GLCE: variants seen among roughly 807,000 people sequenced by gnomAD.
The protein encoded by GLCE is D-glucuronyl C5-epimerase.
GLCE carries 19 observed loss-of-function variants against 47.9 expected under a neutral mutation model. The observed-to-expected ratio is 0.40, with a 90% CI of 0.28 to 0.58. GLCE has a LOEUF of 0.58. GLCE is among the 20% of genes least tolerant of loss of function. GLCE has a pLI of 0.48. For synonymous variants in GLCE, 245 were observed against 263.4 expected, an observed-to-expected ratio of 0.93 and a Z score of 0.68; for missense variants, 556 against 743.3, an observed-to-expected ratio of 0.75 and a Z score of 2.93.
intron 1 of GLCE, among the ~76,000 whole-genome samples, chr15:69,181,337 C>T (rs949559672): frequency 6.6e-6 from 1 of 152,140 alleles, no homozygotes; most frequent in Non-Finnish European, 1.5e-5. Context: ...GATCAGATGA[C>T]TTCACTAAGG....
intron 2 of GLCE, among the ~76,000 whole-genome samples, chr15:69,217,448 A>G (rs966616162): frequency 6.6e-6 from 1 of 151,812 alleles, no homozygotes; most frequent in African/African-American, 2.4e-5. Context: ...TTCTCTTGAA[A>G]AGCAGGAAAA....
intron 1 of GLCE, among the ~76,000 whole-genome samples, chr15:69,187,993 G>T (rs1420373707): frequency 6.6e-6 from 1 of 152,174 alleles, no homozygotes; most frequent in Non-Finnish European, 1.5e-5. Context: ...CAACCTGGGA[G>T]GCAGAGGTTG....
At chr15:69,264,400 A>G (rs761128909) in intron 4 of GLCE, among the ~76,000 whole-genome samples, 19 of 152,228 alleles carry the variant, frequency 1.2e-4, no homozygotes, top group Non-Finnish European at 1.2e-4. Context: ...GCACGTGCAC[A>G]CACACACACA....
At chr15:69,225,543 AT>A (rs1357342799) in intron 2 of GLCE, among the ~76,000 whole-genome samples, 1 of 152,174 alleles carries the variant, frequency 6.6e-6, no homozygotes, top group Non-Finnish European at 1.5e-5. Flanking sequence ...ATAAGCAATA[AT>A]TTTTTTGTGG....
intron 1 of GLCE, among the ~76,000 whole-genome samples, chr15:69,177,127 C>A (rs532767013): frequency 1.3e-5 from 2 of 151,518 alleles, no homozygotes; most frequent in Admixed American, 6.6e-5. Context: ...TCAAGCGATT[C>A]TTGTGCCTCA....
In GLCE at chr15:69,197,574, C is replaced by T. The variant is rs150069393; in HGVS notation, c.-104-12742C>T. 38 of 154,406 alleles carry T rather than the reference C, an allele frequency of 2.5e-4. No homozygotes were observed. The East Asian group carries it at 5.1e-3, about 21-fold the overall frequency. 9.6% of individuals were successfully genotyped at this position (154,406 alleles called of 1,614,324 possible). ...TTTTGAGAACCATGTATTTCAAGGA[C>T]GGAATTATTGTTTGTGTCAGCTACT... On this transcript the variant is annotated intron_variant, in intron 1 of 4. Coordinates refer to ENST00000261858, the MANE Select transcript of GLCE (RefSeq NM_015554.3).
chr15:69,207,502 T>C (rs995852210), intron 1 of GLCE, among the ~76,000 whole-genome samples: 2 of 152,114 alleles, frequency 1.3e-5, no homozygotes, highest in Non-Finnish European at 2.9e-5. Context: ...AATCGTATAA[T>C]ATATTGCTTT....
intron 2 of GLCE, among the ~76,000 whole-genome samples, chr15:69,244,894 C>A (rs963840622): frequency 6.6e-6 from 1 of 152,164 alleles, no homozygotes; most frequent in Non-Finnish European, 1.5e-5. Flanking sequence ...ATTGGAGATA[C>A]TGCAGATTCA....
chr15:69,243,535 A>T (rs1566966616), intron 2 of GLCE, among the ~76,000 whole-genome samples: 1 of 150,490 alleles, frequency 6.6e-6, no homozygotes, highest in Non-Finnish European at 1.5e-5. Flanking sequence ...GGAGTTCAAG[A>T]CCAGGCTGGG....
At chr15:69,205,137 G>C (rs951487436) in intron 1 of GLCE, among the ~76,000 whole-genome samples, 1 of 151,900 alleles carries the variant, frequency 6.6e-6, no homozygotes, top group African/African-American at 2.4e-5. Context: ...AAAAACTCCT[G>C]TGTTATCCCT....
rs1218293960 is a variant in GLCE, at chr15:69,165,229, G to C, written c.-105+4472G>C. Among the ~76,000 whole-genome samples, 2 of 152,076 alleles carry C rather than the reference G, an allele frequency of 1.3e-5. 1 individual carries two copies. Among genetic ancestry groups the C allele is most frequent in the Non-Finnish European group, 2.9e-5 (2 of 68,026 alleles). On this transcript the variant is annotated intron_variant, in intron 1 of 4. Coordinates refer to ENST00000261858, the MANE Select transcript of GLCE (RefSeq NM_015554.3). ...TAGCTATTCTTCTCTTCCTGATGCT[G>C]TCTCTCCCTGCCCTTCTTTCTTAAA...
At chr15:69,194,498 A>G (rs1327978512) in intron 1 of GLCE, 2 of 152,152 alleles carry the variant, frequency 1.3e-5, no homozygotes, top group African/African-American at 4.8e-5. Context: ...TGTTTATCTG[A>G]ACCTGAGCTA....
At chr15:69,192,155 CTT>C (rs1318998380) in intron 1 of GLCE, among the ~76,000 whole-genome samples, 1 of 151,948 alleles carries the variant, frequency 6.6e-6, no homozygotes, top group African/African-American at 2.4e-5. Flanking sequence ...TTGCCCTACT[CTT>C]TTTGTTTTCA....
chr15:69,199,946 G>A (rs539823218), intron 1 of GLCE, among the ~76,000 whole-genome samples: 2 of 152,246 alleles, frequency 1.3e-5, no homozygotes, highest in South Asian at 2.1e-4. Flanking sequence ...ACTTCTATCC[G>A]TTATGATTCC....
At chr15:69,236,993 A>G (rs1419609335) in intron 2 of GLCE, among the ~76,000 whole-genome samples, 1 of 152,218 alleles carries the variant, frequency 6.6e-6, no homozygotes, top group Admixed American at 6.5e-5. Flanking sequence ...TCTGTTAACT[A>G]TTAATTAATA....
intron 2 of GLCE, among the ~76,000 whole-genome samples, chr15:69,217,885 G>T (rs1294914201): frequency 6.6e-6 from 1 of 152,124 alleles, no homozygotes; most frequent in Non-Finnish European, 1.5e-5. Context: ...GCCAGGCGCG[G>T]TGGCTCATGC....
intron 2 of GLCE, among the ~76,000 whole-genome samples, chr15:69,237,614 A>G (rs1249553164): frequency 1.3e-5 from 2 of 152,266 alleles, no homozygotes; most frequent in East Asian, 3.9e-4. Context: ...ATTAAAAAAA[A>G]AAAATTGGGT....
chr15:69,263,829 A>C (rs1482742136), intron 4 of GLCE, among the ~76,000 whole-genome samples: 1 of 152,064 alleles, frequency 6.6e-6, no homozygotes, highest in African/African-American at 2.4e-5. Context: ...TGGATTGATT[A>C]ACAGTTTTTG....
intron 1 of GLCE, among the ~76,000 whole-genome samples, chr15:69,161,499 G>A (rs1365781867): frequency 6.6e-6 from 1 of 152,014 alleles, no homozygotes; most frequent in Non-Finnish European, 1.5e-5. Flanking sequence ...TTTTGGGGGC[G>A]ACGGGGCGAG....
Sources: allele counts gnomAD v4.1 joint callset (sites outside exome capture counted in the v4.1 genomes callset), GRCh38; gene constraint gnomAD v4.1.1; transcripts MANE v1.5; gene names NCBI Gene and HGNC (gene_info 2026-07-23, HGNC 2026-07-21).